Variants in GOT2 observed in about 807,000 individuals in gnomAD.
GOT2 encodes the protein glutamic-oxaloacetic transaminase 2.
A neutral mutation model predicts 50.0 loss-of-function variants in GOT2; 17 were observed. The ratio of observed to expected loss-of-function variants is 0.34; its 90% CI spans 0.23 to 0.51. The LOEUF is 0.51. GOT2 is among the 20% of genes least tolerant of loss of function. GOT2 has a pLI of 0.97. For synonymous variants in GOT2, 172 were observed against 204.9 expected (o/e 0.84, Z 1.37); for missense variants, 430 against 559.6 (o/e 0.77, Z 2.34).
intron 2 of GOT2, among the ~76,000 whole-genome samples, chr16:58,722,572 G>T (rs1225713890): frequency 6.6e-6 from 1 of 151,896 alleles, no homozygotes; most frequent in Non-Finnish European, 1.5e-5. Context: ...GTTTCACTAT[G>T]TTGGCCAGGC....
At position 58,719,232 on chromosome 16, in the gene GOT2, A is replaced by T. The variant is rs1279053566; in HGVS notation, c.399T>A (p.Ser133=). ...SGRFVTVQTI[S]GTGALRIGAS... ...CTCCGATCCTTAAGGCTCCAGTTCCAGAAATGGTCTGCACAGTGACAAACT... is the reference window on the plus strand; with the variant it reads ...CTCCGATCCTTAAGGCTCCAGTTCCTGAAATGGTCTGCACAGTGACAAACT... The change falls in exon 4 of 10, where the codon TCT becomes TCA. Residue 133 remains serine (S), a synonymous_variant. Coordinates refer to ENST00000245206, the MANE Select transcript of GOT2 (RefSeq NM_002080.4). 6.2e-7 allele frequency: 1 copy of T among 1,613,312 alleles called. No individual in the cohort carries two copies. The highest frequency in any genetic ancestry group is 1.7e-5 in the Admixed American group (1 of 59,984).
At chr16:58,715,947 A>T in intron 8 of GOT2, 67 bp downstream of exon 8, 1 of 1,322,912 alleles carries the variant, frequency 7.6e-7, no homozygotes, top group Non-Finnish European at 1.1e-6. Context: ...GAGGTCAATT[A>T]AAAACTAACT....
chr16:58,708,070 T>C lies in GOT2; in HGVS notation c.*101A>G. 1 of 1,139,428 alleles carries C rather than the reference T, an allele frequency of 8.8e-7. No homozygotes were observed. The highest frequency in any genetic ancestry group is 1.5e-5 in the African/African-American group (1 of 64,912). 70.6% of individuals were successfully genotyped at this position (1,139,428 alleles called of 1,614,324 possible). ...TACACACTGTGGCTGAAAGAAATGA[T>C]CCACTCACCACCATCCACCCTCTCT... On this transcript the variant is annotated 3_prime_UTR_variant, in exon 10 of 10. Coordinates refer to ENST00000245206, the MANE Select transcript of GOT2 (RefSeq NM_002080.4).
At chr16:58,729,646 T>G (rs1218578593) in intron 1 of GOT2, among the ~76,000 whole-genome samples, 1 of 152,180 alleles carries the variant, frequency 6.6e-6, no homozygotes, top group Non-Finnish European at 1.5e-5. Context: ...GCACTTATTT[T>G]TCAAGTTCTT....
Position 58,727,934 on chromosome 16 carries a change from A to G in GOT2, c.90-4032T>C, listed in dbSNP as rs144968835. On this transcript the variant is annotated intron_variant, in intron 1 of 9. Transcript: ENST00000245206. ...GGTACCATGGAAGTTCTCCGTGTTC[A>G]CCATGCTGATAAACTCGTGAATTAC... Among the ~76,000 whole-genome samples, 461 of 152,120 alleles carry G rather than the reference A, an allele frequency of 3.0e-3. 1 individual carries two copies. The highest frequency in any genetic ancestry group is 0.01 in the African/African-American group (434 of 41,464).
chr16:58,732,198 G>C (rs1365360844), intron 1 of GOT2, among the ~76,000 whole-genome samples: 1 of 152,144 alleles, frequency 6.6e-6, no homozygotes, highest in African/African-American at 2.4e-5. Flanking sequence ...CCAGCTACTT[G>C]GGAGGCTGAA....
At chr16:58,733,387 T>TA (rs2152100028) in intron 1 of GOT2, among the ~76,000 whole-genome samples, 1 of 152,100 alleles carries the variant, frequency 6.6e-6, no homozygotes, top group East Asian at 1.9e-4. Context: ...AAACTGCAGT[T>TA]ACGAAATATT....
intron 5 of GOT2, 76 bp from the exon 6 acceptor site, chr16:58,718,376 C>T: frequency 7.2e-7 from 1 of 1,391,392 alleles, no homozygotes. Context: ...ACAGGATCGT[C>T]ATCATTTGAT....
rs1490523935 is a variant in GOT2, at chr16:58,717,381, A to G, written c.703-568T>C. 3.3e-5 allele frequency among the ~76,000 whole-genome samples: 5 copies of G among 152,086 alleles called. No individual in the cohort carries two copies. The South Asian group carries it at 1.0e-3, about 32-fold the overall frequency. ...CGACAGAGTGAGACTCTGTCTCAAA[A>G]GAAAAAAAAAGAGAGAGAGAGAAAA... On this transcript the variant is annotated intron_variant, in intron 6 of 9. Coordinates refer to ENST00000245206, the MANE Select transcript of GOT2 (RefSeq NM_002080.4).
chr16:58,729,617 T>C (rs1349563432), intron 1 of GOT2, among the ~76,000 whole-genome samples: 2 of 152,132 alleles, frequency 1.3e-5, no homozygotes, highest in Non-Finnish European at 2.9e-5. Flanking sequence ...AGCATCATTC[T>C]TGTTAAATGG....
At chr16:58,713,954 A>AG (rs1348080672) in intron 8 of GOT2, among the ~76,000 whole-genome samples, 1 of 152,144 alleles carries the variant, frequency 6.6e-6, no homozygotes, top group Non-Finnish European at 1.5e-5. Context: ...TTACAAGAAT[A>AG]GGGGGCAAAC....
chr16:58,724,495 C>T (rs1808812614), intron 1 of GOT2, among the ~76,000 whole-genome samples: 1 of 152,114 alleles, frequency 6.6e-6, no homozygotes, highest in African/African-American at 2.4e-5. Flanking sequence ...TAACATTTTA[C>T]ATTGGTATGG....
intron 1 of GOT2, among the ~76,000 whole-genome samples, chr16:58,732,676 CAG>C (rs1215844098): frequency 1.3e-5 from 2 of 152,186 alleles, no homozygotes; most frequent in African/African-American, 4.8e-5. Context: ...AAAAATGAGT[CAG>C]ACTCTCAAAC....
chr16:58,714,325 T>C (rs566041067), intron 8 of GOT2, among the ~76,000 whole-genome samples: 11 of 151,980 alleles, frequency 7.2e-5, no homozygotes, highest in Non-Finnish European at 1.6e-4. Context: ...CCGAGGCAGG[T>C]GGTTCACTTG....
chr16:58,722,383 T>A, intron 2 of GOT2, 105 bp from the exon 3 acceptor site: 2 of 1,163,240 alleles, frequency 1.7e-6, no homozygotes, highest in Admixed American at 4.3e-5. Flanking sequence ...AAAGTCTTTT[T>A]TTTTTGAGAT....
intron 1 of GOT2, among the ~76,000 whole-genome samples, chr16:58,731,093 C>T (rs534801919): frequency 6.6e-6 from 1 of 152,216 alleles, no homozygotes; most frequent in East Asian, 1.9e-4. Context: ...ATTAGCTTGC[C>T]CACAATCACA....
intron 7 of GOT2, 167 bp from the exon 8 acceptor site, chr16:58,716,346 G>A (rs1247175621): frequency 6.0e-6 from 4 of 671,246 alleles, no homozygotes; most frequent in African/African-American, 3.7e-5. Flanking sequence ...TGAGGCACAA[G>A]GAAGTTTTGA....
intron 3 of GOT2, among the ~76,000 whole-genome samples, chr16:58,721,049 A>C (rs1442882073): frequency 6.6e-6 from 1 of 152,242 alleles, no homozygotes; most frequent in Non-Finnish European, 1.5e-5. Context: ...CTGTATGGAC[A>C]GAACTAAACC....
intron 1 of GOT2, chr16:58,733,867 T>TG (rs746834942): frequency 4.5e-5 from 17 of 379,524 alleles, no homozygotes; most frequent in Non-Finnish European, 7.0e-5. Flanking sequence ...AGGGCCACAC[T>TG]TCCTTTCCCT....
Sources: gnomAD v4.1 joint callset for allele counts (sites outside exome capture counted in the v4.1 genomes callset) on GRCh38, gnomAD v4.1.1 for gene constraint, MANE v1.5 for transcripts, NCBI Gene and HGNC (gene_info 2026-07-23, HGNC 2026-07-21) for gene names.